Variants in KAZN observed in about 807,000 individuals in gnomAD.
The protein encoded by KAZN is kazrin.
KAZN carries 40 observed loss-of-function variants against 87.4 expected under a neutral mutation model. The ratio of observed to expected loss-of-function variants is 0.46; its 90% CI spans 0.36 to 0.60. The LOEUF is 0.60. Ranked by LOEUF, KAZN falls within the 20% of genes least tolerant of loss-of-function variation. KAZN has a pLI of 0.00. For synonymous variants in KAZN, 466 were observed against 458.3 expected (o/e 1.02, Z -0.22); for missense variants, 898 against 1,073.9 (o/e 0.84, Z 2.29).
intron 1 of KAZN, among the ~76,000 whole-genome samples, chr1:14,922,553 G>A (rs1346318600): frequency 1.3e-5 from 2 of 152,042 alleles, no homozygotes; most frequent in African/African-American, 2.4e-5. Context: ...GTGCACTTTG[G>A]GAGGCCGAGG....
intron 1 of KAZN, among the ~76,000 whole-genome samples, chr1:14,030,846 A>C (rs1180449541): frequency 6.6e-6 from 1 of 152,154 alleles, no homozygotes; most frequent in East Asian, 1.9e-4. Context: ...TATAAGGGGG[A>C]ACTGCCTGTT....
intron 2 of KAZN, among the ~76,000 whole-genome samples, chr1:14,590,309 A>T (rs1676117369): frequency 6.6e-6 from 1 of 152,254 alleles, no homozygotes; most frequent in South Asian, 2.1e-4. Context: ...CCAGCCACAG[A>T]GGAGTAGCTC....
chr1:14,501,932 C>T (rs1670277693), intron 2 of KAZN, among the ~76,000 whole-genome samples: 1 of 152,136 alleles, frequency 6.6e-6, no homozygotes, highest in South Asian at 2.1e-4. Flanking sequence ...ATAGAAACAG[C>T]AGATCAGTTC....
intron 2 of KAZN, among the ~76,000 whole-genome samples, chr1:14,290,311 C>T (rs946541217): frequency 1.1e-4 from 16 of 152,220 alleles, no homozygotes; most frequent in African/African-American, 3.9e-4. Flanking sequence ...CTTTTAGGTA[C>T]ACCAATCAAA....
chr1:14,550,731 C>CTT (rs1673452971), intron 2 of KAZN, among the ~76,000 whole-genome samples: 1 of 85,734 alleles, frequency 1.2e-5, no homozygotes, highest in African/African-American at 3.6e-5. Flanking sequence ...CTCTCTCTCT[C>CTT]TCTCTCTCCC....
chr1:13,945,710 T>TGTGTGTGTGAGAGAGA (rs757118365), intron 1 of KAZN, among the ~76,000 whole-genome samples: 2 of 137,186 alleles, frequency 1.5e-5, no homozygotes, highest in Non-Finnish European at 1.5e-5. Flanking sequence ...TGTGTGTGTG[T>TGTGTGTGTGAGAGAGA]GAGAGAGAGA....
intron 8 of KAZN, among the ~76,000 whole-genome samples, chr1:15,091,990 T>A (rs899213415): frequency 6.7e-6 from 1 of 149,806 alleles, no homozygotes; most frequent in African/African-American, 2.5e-5. Context: ...ATTTTTTTTT[T>A]ACATTCTTGT....
chr1:14,032,997 G>T (rs1393860595), intron 1 of KAZN, among the ~76,000 whole-genome samples: 1 of 152,136 alleles, frequency 6.6e-6, no homozygotes, highest in Admixed American at 6.5e-5. Context: ...TGAGCAACTT[G>T]CAGGGTCAAG....
chr1:14,247,971 G>A (rs758167847), intron 2 of KAZN, among the ~76,000 whole-genome samples: 5 of 152,122 alleles, frequency 3.3e-5, no homozygotes, highest in Non-Finnish European at 7.3e-5. Context: ...AACCTAATTA[G>A]GCGTGAACTC....
chr1:14,454,660 C>A (rs925796124), intron 2 of KAZN, among the ~76,000 whole-genome samples: 4 of 152,124 alleles, frequency 2.6e-5, no homozygotes, highest in Non-Finnish European at 5.9e-5. Context: ...ATTCTACTGA[C>A]CTTGGGGCAT....
At chr1:14,349,403 G>C (rs1397118698) in intron 2 of KAZN, 1 of 152,144 alleles carries the variant, frequency 6.6e-6, no homozygotes, top group Admixed American at 6.5e-5. Flanking sequence ...AAATTGATAA[G>C]TCACACATAT....
intron 1 of KAZN, among the ~76,000 whole-genome samples, chr1:14,124,887 G>C (rs1644830605): frequency 6.6e-6 from 1 of 152,194 alleles, no homozygotes; most frequent in Admixed American, 6.5e-5. Context: ...TCTCCTGTCG[G>C]GGGCAGCACT....
intron 14 of KAZN, 40 bp from the exon 15 acceptor site, chr1:15,114,431 C>A (rs1259118479): frequency 2.0e-6 from 3 of 1,519,040 alleles, no homozygotes; most frequent in South Asian, 2.4e-5. Context: ...ATTCTTGTTT[C>A]TCTTCTTCCT....
At chr1:14,231,364 A>G (rs1335122734) in intron 2 of KAZN, among the ~76,000 whole-genome samples, 5 of 149,098 alleles carry the variant, frequency 3.4e-5, no homozygotes, top group Non-Finnish European at 5.9e-5. Context: ...GTAATTGATA[A>G]AGTGTAGCCA....
chr1:14,301,335 A>C (rs1021871248), intron 2 of KAZN, among the ~76,000 whole-genome samples: 1 of 152,230 alleles, frequency 6.6e-6, no homozygotes, highest in African/African-American at 2.4e-5. Flanking sequence ...GCCCTGTACA[A>C]GTGTGGCTCT....
intron 1 of KAZN, among the ~76,000 whole-genome samples, chr1:14,744,000 C>T (rs76629458): frequency 0.035 from 5,298 of 152,080 alleles, 303 homozygotes; most frequent in African/African-American, 0.12. Flanking sequence ...GCAAGCTGGA[C>T]GGACAAAAAC....
chr1:14,581,632 C>T (rs950207589), intron 2 of KAZN, among the ~76,000 whole-genome samples: 1 of 152,206 alleles, frequency 6.6e-6, no homozygotes, highest in Admixed American at 6.5e-5. Context: ...CAAGACCTCA[C>T]AGTCCCCAAG....
At chr1:14,346,548 T>C (rs1571352602) in intron 2 of KAZN, among the ~76,000 whole-genome samples, 1 of 152,090 alleles carries the variant, frequency 6.6e-6, no homozygotes, top group African/African-American at 2.4e-5. Context: ...GTGGTTTGGG[T>C]AGGCTTCTTT....
intron 1 of KAZN, among the ~76,000 whole-genome samples, chr1:14,861,098 C>A: frequency 6.6e-6 from 1 of 152,180 alleles, no homozygotes; most frequent in East Asian, 1.9e-4. Context: ...AATAGCAAAG[C>A]CGGGTGCAGT....
Sources: allele counts gnomAD v4.1 joint callset (sites outside exome capture counted in the v4.1 genomes callset), GRCh38; gene constraint gnomAD v4.1.1; transcripts MANE v1.5; gene names NCBI Gene and HGNC (gene_info 2026-07-23, HGNC 2026-07-21).